MYH10: variants seen among roughly 807,000 people sequenced by gnomAD.
MYH10 encodes the protein myosin-10.
MYH10 carries 55 observed loss-of-function variants against 257.8 expected under a neutral mutation model. The ratio of observed to expected loss-of-function variants is 0.21; its 90% CI spans 0.17 to 0.27. The LOEUF is 0.27. MYH10 is among the 10% of genes least tolerant of loss of function. The probability of loss-of-function intolerance (pLI) is 1.00; values close to 1 mark genes in which losing one functional copy is unlikely to be tolerated. For missense variants in MYH10, 1,631 were observed against 2,500.6 expected (o/e 0.65, Z 7.42); for synonymous variants, 854 against 921.7 (o/e 0.93, Z 1.33).
chr17:8,557,919 T>C (rs1190723906), intron 7 of MYH10, among the ~76,000 whole-genome samples: 1 of 152,230 alleles, frequency 6.6e-6, no homozygotes, highest in Admixed American at 6.5e-5. Context: ...CAATGCCCTC[T>C]AGCCTAGATA....
chr17:8,620,325 AATC>A (rs1376032946), intron 2 of MYH10, among the ~76,000 whole-genome samples: 136 of 152,332 alleles, frequency 8.9e-4, no homozygotes, highest in Non-Finnish European at 7.8e-4. Context: ...TCACTAAAGG[AATC>A]ATCATAGAAA....
At chr17:8,577,392 C>T (rs1239926033) in intron 4 of MYH10, 54 bp from the exon 5 acceptor site, 12 of 1,022,438 alleles carry the variant, frequency 1.2e-5, no homozygotes, top group Non-Finnish European at 1.8e-5. Flanking sequence ...CACATGCATT[C>T]CAAAATTACA....
At chr17:8,495,825 T>C (rs947536538) in intron 30 of MYH10, among the ~76,000 whole-genome samples, 7 of 151,988 alleles carry the variant, frequency 4.6e-5, no homozygotes, top group African/African-American at 1.7e-4. Flanking sequence ...TTCTCCTGCC[T>C]CAGCCTCCCG....
chr17:8,628,176 A>C (rs1263915507), intron 1 of MYH10, among the ~76,000 whole-genome samples: 1 of 152,250 alleles, frequency 6.6e-6, no homozygotes, highest in Non-Finnish European at 1.5e-5. Flanking sequence ...AATAAAGACA[A>C]ACAGGAATCT....
Position 8,545,360 on chromosome 17 carries a change from G to T in MYH10, c.1431+88C>A. 2.1e-6 allele frequency: 3 copies of T among 1,444,064 alleles called. No homozygotes were observed. Among genetic ancestry groups the T allele is most frequent in the Non-Finnish European group, 2.9e-6 (3 of 1,050,554 alleles). 89.5% of individuals were successfully genotyped at this position (1,444,064 alleles called of 1,614,324 possible). A position where few individuals can be genotyped will look rare whatever the true frequency, so the allele number is the denominator to read the frequency against. On this transcript the variant is annotated intron_variant, in intron 13 of 42. Coordinates refer to ENST00000360416, the MANE Select transcript of MYH10 (RefSeq NM_001256012.3). This position sits in a 1 kb window ranked among gnomAD's most constrained non-coding sequence, Gnocchi z 4.7. ...GCAGGGACTGTATCCCTGGTGCCTC[G>T]TATGTACTGGGCACACAGTAAGCCT...
chr17:8,573,948 CTGG>C (rs941553741), intron 6 of MYH10: 17 of 349,280 alleles, frequency 4.9e-5, no homozygotes, highest in Non-Finnish European at 6.4e-5. Flanking sequence ...TCACATGTTC[CTGG>C]TGGCAATGTC....
At chr17:8,511,745 C>A (rs542724157) in intron 24 of MYH10, among the ~76,000 whole-genome samples, 49 of 152,294 alleles carry the variant, frequency 3.2e-4, no homozygotes, top group South Asian at 2.5e-3. Context: ...AAGCCCCACA[C>A]AGAAGCATCA....
In MYH10 at chr17:8,483,173, T is replaced by C. The variant is rs112506739; in HGVS notation, c.5175+965A>G. Among the ~76,000 whole-genome samples the C allele has an allele frequency of 1.7e-3, 263 of 152,162 alleles. 2 individuals carry two copies. The highest frequency in any genetic ancestry group is 5.8e-3 in the African/African-American group (239 of 41,526). On this transcript the variant is annotated intron_variant, in intron 37 of 42. Coordinates refer to ENST00000360416, the MANE Select transcript of MYH10 (RefSeq NM_001256012.3). ...AGAAAAATTTAGAATTACATGACAA[T>C]GAAATTACTCCACATCAAAATTTGT... is the stretch of plus-strand genomic sequence containing the variant.
At chr17:8,499,185 G>A in intron 30 of MYH10, 85 bp downstream of exon 30, 1 of 1,361,986 alleles carries the variant, frequency 7.3e-7, no homozygotes, top group South Asian at 1.3e-5. Flanking sequence ...ATTGGCCATG[G>A]GTCTCTTATT....
In MYH10 at chr17:8,504,064, C is replaced by A. The variant is rs578030394; in HGVS notation, c.3599+630G>T. On this transcript the variant is annotated intron_variant, in intron 28 of 42. Coordinates refer to ENST00000360416, the MANE Select transcript of MYH10 (RefSeq NM_001256012.3). This position sits in a 1 kb window ranked among gnomAD's most constrained non-coding sequence, Gnocchi z 5.6. ...CCGGCTCACTGCTAAGGCTCTCCTGCGACTCGTGGGCTGCCACACTGCAGC... is the reference window on the plus strand; with the variant it reads ...CCGGCTCACTGCTAAGGCTCTCCTGAGACTCGTGGGCTGCCACACTGCAGC... Among the ~76,000 whole-genome samples, 1 of 152,196 alleles carries A rather than the reference C, an allele frequency of 6.6e-6. No individual in the cohort carries two copies. Among genetic ancestry groups the A allele is most frequent in the Non-Finnish European group, 1.5e-5 (1 of 68,030 alleles).
In MYH10 at chr17:8,519,063, G is replaced by A; in HGVS notation, c.2274-113C>T. The A allele has an allele frequency of 5.6e-6, 4 of 718,940 alleles. No individual in the cohort carries two copies. In the South Asian group the frequency reaches 7.6e-5, roughly 14 times the overall value. 44.5% of individuals were successfully genotyped at this position (718,940 alleles called of 1,614,324 possible). ...AAAATGTTGGGTAATACATGTTAAA[G>A]ATATGATGTAATACATGTTCAAGAA... On this transcript the variant is annotated intron_variant, in intron 19 of 42. Transcript: ENST00000360416.
At chr17:8,540,150 C>T (rs925786552) in intron 14 of MYH10, among the ~76,000 whole-genome samples, 9 of 152,116 alleles carry the variant, frequency 5.9e-5, no homozygotes, top group South Asian at 2.1e-4. Flanking sequence ...CCACCACATC[C>T]GGCTAATTTT....
chr17:8,560,682 C>T (rs796411140), intron 7 of MYH10: 1 of 712,644 alleles, frequency 1.4e-6, no homozygotes, highest in South Asian at 1.3e-5. Flanking sequence ...TGACTTCACA[C>T]ACCATAATAA....
At chr17:8,498,210 T>A (rs571838204) in intron 30 of MYH10, among the ~76,000 whole-genome samples, 1 of 151,920 alleles carries the variant, frequency 6.6e-6, no homozygotes, top group Admixed American at 6.5e-5. Context: ...GGTCTCAAAC[T>A]CCTGACCTCA....
intron 3 of MYH10, among the ~76,000 whole-genome samples, chr17:8,592,968 T>TATATATATATAC (rs2084227557): frequency 7.3e-5 from 9 of 123,848 alleles, no homozygotes; most frequent in South Asian, 2.5e-4. Flanking sequence ...TATATATATA[T>TATATATATATAC]ATAAAAGATG....
chr17:8,564,552 C>G (rs371946004), intron 7 of MYH10, among the ~76,000 whole-genome samples: 1 of 152,286 alleles, frequency 6.6e-6, no homozygotes, highest in South Asian at 2.1e-4. Flanking sequence ...TCATGACATG[C>G]CGTTGAAAAC....
intron 14 of MYH10, 137 bp downstream of exon 14, chr17:8,541,970 A>T: frequency 1.2e-6 from 1 of 848,110 alleles, no homozygotes; most frequent in Non-Finnish European, 1.8e-6. Context: ...TTATCAGAGT[A>T]TCACCTTCCT....
chr17:8,542,709 T>C (rs1424499399), intron 13 of MYH10, among the ~76,000 whole-genome samples: 2 of 152,182 alleles, frequency 1.3e-5, no homozygotes, highest in East Asian at 3.9e-4. Flanking sequence ...GTGGGCGCGC[T>C]TCTGAAGCTG....
At chr17:8,560,995 C>A (rs1053297640) in intron 7 of MYH10, 2 of 516,154 alleles carry the variant, frequency 3.9e-6, no homozygotes, top group Non-Finnish European at 7.0e-6. Flanking sequence ...TCTTAACCAC[C>A]AAATCATTCT....
Sources: allele counts gnomAD v4.1 joint callset (sites outside exome capture counted in the v4.1 genomes callset), GRCh38; gene constraint gnomAD v4.1.1; non-coding constraint Gnocchi (gnomAD v3.1); transcripts MANE v1.5; gene names NCBI Gene and HGNC (gene_info 2026-07-23, HGNC 2026-07-21).